RBFOX1: variants seen among roughly 807,000 people sequenced by gnomAD.
The protein encoded by RBFOX1 is RNA binding protein fox-1 homolog 1.
A neutral mutation model predicts 57.7 loss-of-function variants in RBFOX1; 8 were observed. That is an observed-to-expected ratio of 0.14 (90% confidence interval 0.08 to 0.25). RBFOX1 has a LOEUF of 0.25. RBFOX1 is among the 10% of genes least tolerant of loss of function. RBFOX1 has a pLI of 1.00. For missense variants in RBFOX1, 611 were observed against 548.5 expected, an observed-to-expected ratio of 1.11 and a Z score of -1.14; for synonymous variants, 326 against 222.4, an observed-to-expected ratio of 1.47 and a Z score of -4.15.
intron 1 of RBFOX1, among the ~76,000 whole-genome samples, chr16:6,257,500 C>T (rs111543112): frequency 3.2e-4 from 49 of 151,848 alleles, no homozygotes; most frequent in African/African-American, 7.2e-4. Flanking sequence ...GGGGGTTTGT[C>T]GTACAGTTGA....
chr16:6,514,900 A>T (rs1204200073), intron 2 of RBFOX1, among the ~76,000 whole-genome samples: 1 of 152,086 alleles, frequency 6.6e-6, no homozygotes, highest in Non-Finnish European at 1.5e-5. Context: ...AGGAGGAGAA[A>T]AAAGAGGGAG....
chr16:7,352,506 C>A lies in RBFOX1; in HGVS notation c.28-165641C>A, dbSNP rs149829196. On this transcript the variant is annotated intron_variant, in intron 4 of 15. Coordinates refer to ENST00000550418, the MANE Select transcript of RBFOX1 (RefSeq NM_018723.4). ...AATCTGTCACCACTAAACGCTTACTCCGGGCTGCCCATCACTGCTGTTTGG... is the reference window on the plus strand; with the variant it reads ...AATCTGTCACCACTAAACGCTTACTACGGGCTGCCCATCACTGCTGTTTGG... 2.0e-3 allele frequency among the ~76,000 whole-genome samples: 312 copies of A among 152,278 alleles called. 1 individual carries two copies. Among genetic ancestry groups the A allele is most frequent in the Non-Finnish European group, 3.4e-3 (232 of 68,018 alleles).
intron 3 of RBFOX1, among the ~76,000 whole-genome samples, chr16:6,868,973 ACCGT>A (rs1482285016): frequency 2.6e-5 from 4 of 152,128 alleles, no homozygotes; most frequent in Admixed American, 1.3e-4. Flanking sequence ...GGTGAGAGAA[ACCGT>A]CTGTCAGCTC....
chr16:6,816,084 G>A (rs549735078), intron 3 of RBFOX1, among the ~76,000 whole-genome samples: 1 of 152,170 alleles, frequency 6.6e-6, no homozygotes, highest in Non-Finnish European at 1.5e-5. Context: ...GAGGCAGGAG[G>A]ATTGCTTGAG....
Position 5,947,514 on chromosome 16 carries a change from G to C in RBFOX1, c.351+80179G>C, listed in dbSNP as rs1252581112. On this transcript the variant is annotated intron_variant, in intron 4 of 19. Coordinates refer to the RBFOX1 transcript ENST00000641259. This position sits in a 1 kb window ranked among gnomAD's most constrained non-coding sequence, Gnocchi z 7.2. ...AGTTTTTAAAATTTTTAGAGACAGGGGTCTCTGTATGTTGCCTAGGCTGGT... is the reference window on the plus strand; with the variant it reads ...AGTTTTTAAAATTTTTAGAGACAGGCGTCTCTGTATGTTGCCTAGGCTGGT... 6.6e-6 allele frequency among the ~76,000 whole-genome samples: 1 copy of C among 152,060 alleles called. No individual in the cohort carries two copies. The highest frequency in any genetic ancestry group is 2.4e-5 in the African/African-American group (1 of 41,408).
chr16:5,792,783 C>T (rs1447800502), intron 3 of RBFOX1, among the ~76,000 whole-genome samples: 3 of 152,042 alleles, frequency 2.0e-5, no homozygotes, highest in Non-Finnish European at 2.9e-5. Context: ...GTGGAGGTTG[C>T]AGTGAGGTGA....
chr16:7,676,490 A>T (rs567499311), intron 13 of RBFOX1, among the ~76,000 whole-genome samples: 11 of 152,330 alleles, frequency 7.2e-5, no homozygotes, highest in African/African-American at 2.6e-4. Flanking sequence ...CCACCCCAAG[A>T]CAATCGCCAT....
rs143600247 is a variant in RBFOX1, at chr16:6,594,392, G to T, written c.-63-60211G>T. Among the ~76,000 whole-genome samples the T allele has an allele frequency of 1.4e-4, 21 of 152,260 alleles. No individual in the cohort carries two copies. In the East Asian group the frequency reaches 4.1e-3, roughly 29 times the overall value. ...AAGAATGCATGTGCGATTATAAATG[G>T]TGGCTGACTTTCAATTTTAGGTTGA... is the stretch of plus-strand genomic sequence containing the variant. On this transcript the variant is annotated intron_variant, in intron 2 of 15. Coordinates refer to ENST00000550418, the MANE Select transcript of RBFOX1 (RefSeq NM_018723.4).
At chr16:7,673,556 A>G (rs1160174627) in intron 13 of RBFOX1, among the ~76,000 whole-genome samples, 2 of 152,120 alleles carry the variant, frequency 1.3e-5, no homozygotes, top group East Asian at 3.9e-4. Flanking sequence ...GTAATAAGAG[A>G]ACAAAATGCT....
intron 1 of RBFOX1, among the ~76,000 whole-genome samples, chr16:5,411,859 G>T (rs1223011772): frequency 3.3e-5 from 5 of 152,082 alleles, no homozygotes; most frequent in Non-Finnish European, 7.4e-5. Flanking sequence ...CTCCAGCCTG[G>T]GTGACAGAGT....
At chr16:6,535,842 C>G (rs531929475) in intron 2 of RBFOX1, among the ~76,000 whole-genome samples, 9 of 152,324 alleles carry the variant, frequency 5.9e-5, no homozygotes, top group African/African-American at 1.9e-4. Context: ...TCTCTGTTCT[C>G]TTTTTCTCAA....
chr16:6,650,332 A>G lies in RBFOX1; in HGVS notation c.-63-4271A>G, dbSNP rs368067794. Among the ~76,000 whole-genome samples, 14 of 152,002 alleles carry G rather than the reference A, an allele frequency of 9.2e-5. No individual in the cohort carries two copies. In the Middle Eastern group the frequency reaches 0.01, roughly 111 times the overall value. The stretch of plus-strand genomic sequence containing the variant: ...ATAACCCCTTCTTCCCATAGCAAGG[A>G]AAAGAATGAAACCTGTGGATAAATT... On this transcript the variant is annotated intron_variant, in intron 2 of 15. Coordinates refer to ENST00000550418, the MANE Select transcript of RBFOX1 (RefSeq NM_018723.4).
chr16:7,254,188 C>A (rs561579340), intron 4 of RBFOX1, among the ~76,000 whole-genome samples: 2 of 152,112 alleles, frequency 1.3e-5, no homozygotes, highest in Admixed American at 1.3e-4. Flanking sequence ...AATAGTTTGC[C>A]TGAAATCACA....
At chr16:7,054,996 A>T (rs2051627697) in intron 4 of RBFOX1, among the ~76,000 whole-genome samples, 1 of 152,056 alleles carries the variant, frequency 6.6e-6, no homozygotes, top group South Asian at 2.1e-4. Flanking sequence ...TGGTGTTAGG[A>T]TCTCCTTTCT....
intron 4 of RBFOX1, among the ~76,000 whole-genome samples, chr16:7,374,703 C>T (rs780907817): frequency 1.3e-5 from 2 of 152,188 alleles, no homozygotes; most frequent in African/African-American, 4.8e-5. Context: ...CCTCTTTTGT[C>T]TTCAACACGT....
intron 2 of RBFOX1, among the ~76,000 whole-genome samples, chr16:6,351,967 C>A (rs796620504): frequency 6.6e-6 from 1 of 152,186 alleles, no homozygotes; most frequent in Non-Finnish European, 1.5e-5. Flanking sequence ...AATTTATACA[C>A]TGCAGAACCA....
chr16:7,238,402 C>T (rs924318273), intron 4 of RBFOX1, among the ~76,000 whole-genome samples: 6 of 151,952 alleles, frequency 3.9e-5, no homozygotes, highest in Non-Finnish European at 5.9e-5. Context: ...TGCCAGCTGC[C>T]CTTGTCTAAG....
intron 10 of RBFOX1, 25 bp downstream of exon 10, chr16:7,607,363 GTCT>G (rs773185129): frequency 1.3e-6 from 2 of 1,599,080 alleles, no homozygotes; most frequent in Non-Finnish European, 1.7e-6. Context: ...TTTGCACGAA[GTCT>G]TCTCAGTCTT....
chr16:6,937,593 A>C (rs1269466775), intron 3 of RBFOX1, among the ~76,000 whole-genome samples: 1 of 152,120 alleles, frequency 6.6e-6, no homozygotes, highest in Non-Finnish European at 1.5e-5. Flanking sequence ...GTGAGGCATT[A>C]ATCAAATACA....
Sources: gnomAD v4.1 joint callset for allele counts (sites outside exome capture counted in the v4.1 genomes callset) on GRCh38, gnomAD v4.1.1 for gene constraint, Gnocchi (gnomAD v3.1) non-coding constraint, MANE v1.5 for transcripts, NCBI Gene and HGNC (gene_info 2026-07-23, HGNC 2026-07-21) for gene names.